The following SGCZ variants were observed in gnomAD, a reference collection of about 807,000 sequenced individuals.
The protein encoded by SGCZ is zeta-sarcoglycan.
SGCZ carries 40 observed loss-of-function variants against 41.3 expected under a neutral mutation model. The observed-to-expected ratio is 0.97, with a 90% confidence interval of 0.75 to 1.26. SGCZ has a LOEUF of 1.26. SGCZ is among the 50% of genes most tolerant of loss of function. The pLI is 0.00. For synonymous variants in SGCZ, 206 were observed against 137.5 expected (o/e 1.50, Z -3.49); for missense variants, 552 against 369.8 (o/e 1.49, Z -4.04).
chr8:14,588,960 G>C (rs115117222), intron 1 of SGCZ, among the ~76,000 whole-genome samples: 1 of 152,054 alleles, frequency 6.6e-6, no homozygotes, highest in Non-Finnish European at 1.5e-5. Flanking sequence ...CGTTACATTT[G>C]CTATGGTGTA....
At chr8:14,136,276 C>A (rs753936339) in intron 5 of SGCZ, among the ~76,000 whole-genome samples, 1 of 152,084 alleles carries the variant, frequency 6.6e-6, no homozygotes, top group African/African-American at 2.4e-5. Flanking sequence ...ACTGAGGTAC[C>A]GGGTTAATCT....
chr8:14,580,391 A>G (rs1804848895), intron 1 of SGCZ, among the ~76,000 whole-genome samples: 1 of 152,238 alleles, frequency 6.6e-6, no homozygotes, highest in Admixed American at 6.5e-5. Flanking sequence ...TTTAAATGGA[A>G]GGATTTAATA....
intron 1 of SGCZ, among the ~76,000 whole-genome samples, chr8:14,973,339 G>T (rs1273968051): frequency 1.3e-5 from 2 of 152,118 alleles, no homozygotes. Flanking sequence ...AAAATGACTA[G>T]AGAAAGTTTA....
At chr8:15,092,705 A>C (rs755735516) in intron 1 of SGCZ, among the ~76,000 whole-genome samples, 6 of 152,232 alleles carry the variant, frequency 3.9e-5, no homozygotes, top group Non-Finnish European at 8.8e-5. Context: ...AACCAAGAAA[A>C]TCATATTTTA....
chr8:14,171,630 T>C (rs548133145), intron 4 of SGCZ, among the ~76,000 whole-genome samples: 21 of 152,176 alleles, frequency 1.4e-4, no homozygotes, highest in African/African-American at 4.8e-4. Flanking sequence ...ACATAAAAAA[T>C]CGTATACAGA....
intron 1 of SGCZ, among the ~76,000 whole-genome samples, chr8:14,576,759 T>C (rs1046448441): frequency 6.6e-6 from 1 of 152,128 alleles, no homozygotes; most frequent in Non-Finnish European, 1.5e-5. Flanking sequence ...GGAAGAAGCA[T>C]TGTGTTGGAA....
Position 15,237,716 on chromosome 8 carries a change from C to T in SGCZ, c.-93G>A. The T allele has an allele frequency of 7.3e-7, 1 of 1,378,476 alleles. No individual in the cohort carries two copies. Among genetic ancestry groups the T allele is most frequent in the South Asian group, 1.2e-5 (1 of 80,128 alleles). 85.4% of individuals were successfully genotyped at this position (1,378,476 alleles called of 1,614,324 possible). A position where few individuals can be genotyped will look rare whatever the true frequency, so the allele number is the denominator to read the frequency against. ...TTTCCAGCTTAAACTCAGCTTTATC[C>T]TCCTCCAAGCCCCGGCAGCTCCTCT... On this transcript the variant is annotated 5_prime_UTR_variant, in exon 1 of 8. Coordinates refer to ENST00000382080, the MANE Select transcript of SGCZ (RefSeq NM_139167.4).
intron 1 of SGCZ, among the ~76,000 whole-genome samples, chr8:15,081,419 C>T (rs555362096): frequency 8.6e-5 from 13 of 150,522 alleles, no homozygotes; most frequent in South Asian, 6.3e-4. Context: ...TAGTTTATGA[C>T]AGATGGCTAC....
chr8:14,808,729 G>A (rs993794760), intron 1 of SGCZ, among the ~76,000 whole-genome samples: 3 of 151,736 alleles, frequency 2.0e-5, no homozygotes, highest in African/African-American at 7.3e-5. Flanking sequence ...CCCATTACTG[G>A]GTATATACCC....
chr8:14,525,129 T>C (rs903925614), intron 2 of SGCZ, among the ~76,000 whole-genome samples: 4 of 147,706 alleles, frequency 2.7e-5, no homozygotes, highest in African/African-American at 1.0e-4. Context: ...GATAGATACA[T>C]TGATAGATAG....
intron 1 of SGCZ, among the ~76,000 whole-genome samples, chr8:14,706,035 A>T (rs564996903): frequency 6.6e-6 from 1 of 152,096 alleles, no homozygotes; most frequent in Admixed American, 6.6e-5. Context: ...ATATAAAAGA[A>T]ATTTATTTTT....
intron 1 of SGCZ, among the ~76,000 whole-genome samples, chr8:15,208,357 C>T (rs1801136069): frequency 6.6e-6 from 1 of 152,158 alleles, no homozygotes; most frequent in Non-Finnish European, 1.5e-5. Context: ...ACTAACGCAT[C>T]CAAATAATAT....
At chr8:14,893,172 T>A (rs764394244) in intron 1 of SGCZ, among the ~76,000 whole-genome samples, 1 of 151,984 alleles carries the variant, frequency 6.6e-6, no homozygotes, top group African/African-American at 2.4e-5. Flanking sequence ...ATCTTTCCAG[T>A]TGGGGTTCAC....
At chr8:14,396,911 C>T (rs1472449161) in intron 2 of SGCZ, among the ~76,000 whole-genome samples, 1 of 152,098 alleles carries the variant, frequency 6.6e-6, no homozygotes, top group East Asian at 1.9e-4. Flanking sequence ...TTGCAGGGAG[C>T]TTAGGTTTTA....
At chr8:14,940,237 T>C (rs2130819038) in intron 1 of SGCZ, among the ~76,000 whole-genome samples, 1 of 152,274 alleles carries the variant, frequency 6.6e-6, no homozygotes, top group South Asian at 2.1e-4. Context: ...ATAAATTACA[T>C]AGCAGTAACA....
intron 1 of SGCZ, among the ~76,000 whole-genome samples, chr8:14,617,045 A>G (rs1266743195): frequency 6.6e-6 from 1 of 152,168 alleles, no homozygotes; most frequent in Admixed American, 6.5e-5. Context: ...TATTAGGAAG[A>G]GAAAAAAATC....
At chr8:14,120,405 C>G (rs1802662005) in intron 5 of SGCZ, among the ~76,000 whole-genome samples, 1 of 152,086 alleles carries the variant, frequency 6.6e-6, no homozygotes, top group South Asian at 2.1e-4. Flanking sequence ...CCTCTATCAA[C>G]ATCAAACTTA....
At chr8:14,625,486 T>C (rs1806424511) in intron 1 of SGCZ, among the ~76,000 whole-genome samples, 1 of 152,234 alleles carries the variant, frequency 6.6e-6, no homozygotes, top group Admixed American at 6.5e-5. Flanking sequence ...GAGCATTACA[T>C]GGCTAGACTA....
chr8:15,237,828 A>G lies in SGCZ; in HGVS notation c.-205T>C. The stretch of plus-strand genomic sequence containing the variant: ...TAATAATGATAATTCACTTTATTTT[A>G]CTTCCTCAAAGATTTAGTGACAGGT... On this transcript the variant is annotated 5_prime_UTR_variant, in exon 1 of 8. Transcript: ENST00000382080. 1 of 563,026 alleles carries G rather than the reference A, an allele frequency of 1.8e-6. No individual in the cohort carries two copies. Among genetic ancestry groups the G allele is most frequent in the Non-Finnish European group, 3.2e-6 (1 of 315,374 alleles). 34.9% of individuals were successfully genotyped at this position (563,026 alleles called of 1,614,324 possible). A position where few individuals can be genotyped will look rare whatever the true frequency, so the allele number is the denominator to read the frequency against.
Sources: gnomAD v4.1 joint callset for allele counts (sites outside exome capture counted in the v4.1 genomes callset) on GRCh38, gnomAD v4.1.1 for gene constraint, MANE v1.5 for transcripts, NCBI Gene and HGNC (gene_info 2026-07-23, HGNC 2026-07-21) for gene names.